ZNF555: variants seen among roughly 807,000 people sequenced by gnomAD.
ZNF555 encodes the protein zinc finger protein 555.
A neutral mutation model predicts 14.0 loss-of-function variants in ZNF555; 10 were observed. That is an observed-to-expected ratio of 0.72 (90% confidence interval 0.44 to 1.21). The LOEUF (loss-of-function observed/expected upper bound fraction) is 1.21, where lower values mean the gene tolerates loss of function less well. Among genes scored for constraint, ZNF555 ranks in the 50% most tolerant of loss-of-function variants. The probability of loss-of-function intolerance (pLI) is 0.00; values close to 1 mark genes in which losing one functional copy is unlikely to be tolerated. For missense variants in ZNF555, 747 were observed against 762.0 expected, an observed-to-expected ratio of 0.98 and a Z score of 0.23; for synonymous variants, 277 against 262.4, an observed-to-expected ratio of 1.06 and a Z score of -0.54.
At position 2,841,554 on chromosome 19, in the gene ZNF555, G is replaced by C; in HGVS notation, c.-19G>C. 1 of 1,544,788 alleles carries C rather than the reference G, an allele frequency of 6.5e-7. No homozygotes were observed. The highest frequency in any genetic ancestry group is 8.7e-7 in the Non-Finnish European group (1 of 1,144,308). ...TGTCGCGCTCACCTGCGCCGGTAGC[G>C]AAGAAATCGCCCCGGGACATGGTGA... is the stretch of plus-strand genomic sequence containing the variant. On this transcript the variant is annotated 5_prime_UTR_variant, in exon 1 of 4. Coordinates refer to ENST00000334241, the MANE Select transcript of ZNF555 (RefSeq NM_152791.5).
chr19:2,846,824 A>G (rs1203139966), intron 1 of ZNF555, among the ~76,000 whole-genome samples: 4 of 152,190 alleles, frequency 2.6e-5, no homozygotes, highest in African/African-American at 7.2e-5. Flanking sequence ...AAATATGCAC[A>G]TGTGGTTTGA....
intron 1 of ZNF555, chr19:2,847,092 T>C (rs1461426635): frequency 1.3e-5 from 2 of 152,206 alleles, no homozygotes; most frequent in East Asian, 3.8e-4. Context: ...TGTCTGTCAC[T>C]TAAAAAAACA....
At chr19:2,848,228 T>C (rs532414252) in intron 1 of ZNF555, among the ~76,000 whole-genome samples, 41 of 151,842 alleles carry the variant, frequency 2.7e-4, no homozygotes, top group African/African-American at 9.6e-4. Context: ...CTCTGCTCAC[T>C]ACAAGCTCCG....
Position 2,852,496 on chromosome 19 carries a change from A to C in ZNF555, c.431A>C (p.Glu144Ala), listed in dbSNP as rs2087639535. 1 of 1,614,126 alleles carries C rather than the reference A, an allele frequency of 6.2e-7. No homozygotes were observed. Among genetic ancestry groups the C allele is most frequent in the African/African-American group, 1.3e-5 (1 of 75,052 alleles). Reference protein sequence around the residue: ...KKIPPGVKQYEYNTYGKVFMH... With the variant: ...KKIPPGVKQYAYNTYGKVFMH... ...ATTCCACCTGGAGTAAAACAGTATG[A>C]ATACAACACGTACGGAAAAGTCTTC... The change falls in exon 4 of 4, where the codon GAA becomes GCA. Residue 144 changes from glutamate (E) to alanine (A), a missense_variant. Glu to Ala is a moderately radical substitution (Grantham distance 107). Coordinates refer to ENST00000334241, the MANE Select transcript of ZNF555 (RefSeq NM_152791.5).
chr19:2,850,502 T>C, intron 1 of ZNF555, 85 bp from the exon 2 acceptor site: 1 of 1,544,616 alleles, frequency 6.5e-7, no homozygotes, highest in Non-Finnish European at 8.8e-7. Flanking sequence ...CACAGAATCT[T>C]GTTTGAACTA....
chr19:2,843,494 A>G (rs2087556049), intron 1 of ZNF555, among the ~76,000 whole-genome samples: 1 of 152,236 alleles, frequency 6.6e-6, no homozygotes, highest in South Asian at 2.1e-4. Context: ...ACTGGGGAGA[A>G]GAGTCTCAGA....
At position 2,857,309 on chromosome 19, in the gene ZNF555, T is replaced by C. The variant is rs945940797; in HGVS notation, c.*3357T>C. ...GGGACAACAGAGTCTTGTATATTCA[T>C]GTAGCTCATGATGATGGAATCAAGT... On this transcript the variant is annotated 3_prime_UTR_variant, in exon 4 of 4. Coordinates refer to ENST00000334241, the MANE Select transcript of ZNF555 (RefSeq NM_152791.5). The C allele has an allele frequency of 6.6e-6, 1 of 152,232 alleles. No individual in the cohort carries two copies. The highest frequency in any genetic ancestry group is 1.5e-5 in the Non-Finnish European group (1 of 68,044). 9.4% of individuals were successfully genotyped at this position (152,232 alleles called of 1,614,324 possible).
chr19:2,845,879 G>A (rs553210224), intron 1 of ZNF555, among the ~76,000 whole-genome samples: 4 of 152,260 alleles, frequency 2.6e-5, no homozygotes, highest in Admixed American at 6.5e-5. Flanking sequence ...CTTAGACCTG[G>A]GTGTCTTCCA....
At chr19:2,851,203 A>T (rs2087626730) in intron 2 of ZNF555, among the ~76,000 whole-genome samples, 1 of 152,060 alleles carries the variant, frequency 6.6e-6, no homozygotes, top group Non-Finnish European at 1.5e-5. Context: ...TCACCATGTC[A>T]GCCAGGCTGC....
intron 1 of ZNF555, among the ~76,000 whole-genome samples, chr19:2,842,871 C>T (rs1237660376): frequency 2.0e-5 from 3 of 152,110 alleles, no homozygotes; most frequent in Admixed American, 6.6e-5. Flanking sequence ...GGAGAAACCC[C>T]GTCTCTGCTA....
intron 1 of ZNF555, among the ~76,000 whole-genome samples, chr19:2,843,515 A>G (rs1212558543): frequency 1.3e-5 from 2 of 152,192 alleles, no homozygotes; most frequent in Non-Finnish European, 2.9e-5. Flanking sequence ...GAAACAGAGA[A>G]AATCTCCTTT....
chr19:2,852,321 C>A, intron 3 of ZNF555, 59 bp from the exon 4 acceptor site: 1 of 1,599,070 alleles, frequency 6.3e-7, no homozygotes, highest in Non-Finnish European at 8.5e-7. Context: ...CAGTCCTAAT[C>A]CTAATAAATA....
Position 2,853,330 on chromosome 19 carries a change from A to G in ZNF555, c.1265A>G (p.Lys422Arg), listed in dbSNP as rs748076371. The G allele has an allele frequency of 1.2e-6, 2 of 1,614,056 alleles. No individual in the cohort carries two copies. Among genetic ancestry groups the G allele is most frequent in the Non-Finnish European group, 1.7e-6 (2 of 1,180,024 alleles). The change falls in exon 4 of 4, where the codon AAA becomes AGA. Residue 422 changes from lysine to arginine, a missense_variant. By Grantham distance (26) the Lys-to-Arg change is conservative (BLOSUM62 2). Transcript: ENST00000334241. ...CACATGAGGGTGCACACTGGAGAGA[A>G]ACCCTATGAGTGCAAGCAATGTGGG... ...RGHMRVHTGE[K>R]PYECKQCGKT...
chr19:2,847,654 A>T (rs568985167), intron 1 of ZNF555, among the ~76,000 whole-genome samples: 20 of 152,166 alleles, frequency 1.3e-4, no homozygotes, highest in East Asian at 3.9e-4. Context: ...AAAAAAATTT[A>T]AAAAAAATAA....
At chr19:2,847,823 A>G (rs1268404850) in intron 1 of ZNF555, among the ~76,000 whole-genome samples, 1 of 152,190 alleles carries the variant, frequency 6.6e-6, no homozygotes, top group Non-Finnish European at 1.5e-5. Flanking sequence ...CCACGTCACA[A>G]GAAACCGCTG....
chr19:2,847,122 A>G (rs886097404), intron 1 of ZNF555: 1 of 152,230 alleles, frequency 6.6e-6, no homozygotes, highest in Non-Finnish European at 1.5e-5. Context: ...ACTGATTGAG[A>G]TGATCCCTGT....
Position 2,853,383 on chromosome 19 carries a change from C to A in ZNF555, c.1318C>A (p.Arg440=). Residue 440 remains arginine, a synonymous_variant, in exon 4 of 4, where the codon CGA becomes AGA. Coordinates refer to ENST00000334241, the MANE Select transcript of ZNF555 (RefSeq NM_152791.5). ...GKTFNWPISL[R]KHMRTHTREK... ...AACTTTCAATTGGCCCATATCTTTA[C>A]GAAAACATATGAGAACACATACTAG... 6.2e-7 allele frequency: 1 copy of A among 1,613,856 alleles called. No homozygotes were observed. The highest frequency in any genetic ancestry group is 8.5e-7 in the Non-Finnish European group (1 of 1,179,924).
rs1290963726 is a variant in ZNF555, at chr19:2,841,579, A to G, written c.3+4A>G. ...GAAGAAATCGCCCCGGGACATGGTGAGTGTGGCGCAGGAGAGGATCCCGGT... is the reference window on the plus strand; with the variant it reads ...GAAGAAATCGCCCCGGGACATGGTGGGTGTGGCGCAGGAGAGGATCCCGGT... On this transcript the variant is annotated splice_donor_region_variant and intron_variant, in intron 1 of 3. Coordinates refer to ENST00000334241, the MANE Select transcript of ZNF555 (RefSeq NM_152791.5). 1 of 1,538,606 alleles carries G rather than the reference A, an allele frequency of 6.5e-7. No individual in the cohort carries two copies. The highest frequency in any genetic ancestry group is 1.2e-5 in the South Asian group (1 of 83,600).
Position 2,852,920 on chromosome 19 carries a change from A to T in ZNF555, c.855A>T (p.Lys285Asn). The change falls in exon 4 of 4, where the codon AAA becomes AAT. Residue 285 changes from lysine (K) to asparagine (N), a missense_variant. Physicochemically the swap from Lys to Asn is moderately conservative, Grantham distance 94. Coordinates refer to ENST00000334241, the MANE Select transcript of ZNF555 (RefSeq NM_152791.5). ...TITHTGEKPY[K>N]CKECAEAFSY... ...CACACACTGGCGAGAAGCCATATAA[A>T]TGTAAGGAATGTGCGGAAGCCTTTA... The T allele has an allele frequency of 6.2e-7, 1 of 1,614,214 alleles. No homozygotes were observed. The highest frequency in any genetic ancestry group is 8.5e-7 in the Non-Finnish European group (1 of 1,180,042).
Sources: allele counts gnomAD v4.1 joint callset (sites outside exome capture counted in the v4.1 genomes callset), GRCh38; gene constraint gnomAD v4.1.1; transcripts MANE v1.5; gene names NCBI Gene and HGNC (gene_info 2026-07-23, HGNC 2026-07-21).